Variants in BAIAP2L1 observed in about 807,000 individuals in gnomAD.
BAIAP2L1 encodes the protein BAR/IMD domain containing adaptor protein 2 like 1.
In BAIAP2L1, 35 loss-of-function variants were observed where a neutral mutation model predicts 66.3. The observed-to-expected ratio is 0.53, with a 90% CI of 0.40 to 0.70. The LOEUF (loss-of-function observed/expected upper bound fraction) is 0.70. Among genes scored for constraint, BAIAP2L1 ranks in the 30% least tolerant of loss-of-function variants. BAIAP2L1 has a pLI of 0.00. For synonymous variants in BAIAP2L1, 269 were observed against 248.7 expected, an observed-to-expected ratio of 1.08 and a Z score of -0.77; for missense variants, 622 against 656.9, an observed-to-expected ratio of 0.95 and a Z score of 0.58.
intron 3 of BAIAP2L1, among the ~76,000 whole-genome samples, chr7:98,353,399 ACAT>A (rs1269653340): frequency 1.5e-5 from 2 of 136,886 alleles, no homozygotes; most frequent in Non-Finnish European, 1.5e-5. Flanking sequence ...TTATAAATAT[ACAT>A]AATATATATA....
intron 3 of BAIAP2L1, among the ~76,000 whole-genome samples, chr7:98,340,959 G>GTT (rs72057720): frequency 0.025 from 3,187 of 129,506 alleles, 136 homozygotes; most frequent in African/African-American, 0.079. Context: ...CAGCTAATTG[G>GTT]TTTTTTTTTT....
intron 3 of BAIAP2L1, among the ~76,000 whole-genome samples, chr7:98,341,224 A>G (rs952125745): frequency 1.3e-5 from 2 of 152,174 alleles, no homozygotes; most frequent in African/African-American, 4.8e-5. Flanking sequence ...TCTAAGTAAA[A>G]CCAGCAAAAT....
In BAIAP2L1 at chr7:98,292,623, A is replaced by C; in HGVS notation, c.*898T>G. 1 of 1,550,612 alleles carries C rather than the reference A, an allele frequency of 6.4e-7. No homozygotes were observed. Among genetic ancestry groups the C allele is most frequent in the Non-Finnish European group, 8.7e-7 (1 of 1,146,768 alleles). ...GGCATCATGGCTGCTAGGCTGAAAA[A>C]CCCGCCCTTCTCCAGGCACCAGAGG... On this transcript the variant is annotated 3_prime_UTR_variant, in exon 14 of 14. Coordinates refer to ENST00000005260, the MANE Select transcript of BAIAP2L1 (RefSeq NM_018842.5).
intron 2 of BAIAP2L1, among the ~76,000 whole-genome samples, chr7:98,361,062 A>G (rs1054000132): frequency 2.0e-5 from 3 of 152,170 alleles, no homozygotes; most frequent in Admixed American, 2.0e-4. Flanking sequence ...CCAGTATGGC[A>G]AAAAAGATAA....
intron 1 of BAIAP2L1, among the ~76,000 whole-genome samples, chr7:98,390,358 T>C (rs1434463902): frequency 6.6e-6 from 1 of 152,240 alleles, no homozygotes; most frequent in African/African-American, 2.4e-5. Context: ...TTTAAAAACA[T>C]TATGTCCATT....
intron 3 of BAIAP2L1, among the ~76,000 whole-genome samples, chr7:98,328,275 A>G (rs1801416229): frequency 6.6e-6 from 1 of 152,220 alleles, no homozygotes; most frequent in Non-Finnish European, 1.5e-5. Context: ...GCAGCTTCAG[A>G]AGGCAGAAGG....
chr7:98,400,985 C>G lies in BAIAP2L1; in HGVS notation c.-133G>C. 1.4e-6 allele frequency: 1 copy of G among 696,298 alleles called. No homozygotes were observed. Among genetic ancestry groups the G allele is most frequent in the Non-Finnish European group, 2.1e-6 (1 of 487,714 alleles). The allele number at this position is 696,298 out of a possible 1,614,324, so 43.1% of individuals were successfully genotyped here. On this transcript the variant is annotated 5_prime_UTR_variant, in exon 1 of 14. Coordinates refer to ENST00000005260, the MANE Select transcript of BAIAP2L1 (RefSeq NM_018842.5). Reference sequence around the variant, plus strand: ...TCGGCCGCCGCCGCAGCCGTCGGCCCGAGAGTGCCCGCGCGCGTCTCCGCT... The same window carrying G: ...TCGGCCGCCGCCGCAGCCGTCGGCCGGAGAGTGCCCGCGCGCGTCTCCGCT...
chr7:98,333,692 T>C (rs1315443501), intron 3 of BAIAP2L1, among the ~76,000 whole-genome samples: 2 of 152,316 alleles, frequency 1.3e-5, no homozygotes, highest in African/African-American at 2.4e-5. Context: ...ATTAGACATT[T>C]GGTTTTATGT....
intron 1 of BAIAP2L1, among the ~76,000 whole-genome samples, chr7:98,364,818 G>A (rs1026308836): frequency 1.8e-4 from 27 of 150,410 alleles, no homozygotes; most frequent in Non-Finnish European, 3.1e-4. Flanking sequence ...GACTCCCATC[G>A]CTACAAAAAA....
intron 3 of BAIAP2L1, among the ~76,000 whole-genome samples, chr7:98,345,594 G>A (rs1265004308): frequency 6.6e-6 from 1 of 152,016 alleles, no homozygotes; most frequent in Admixed American, 6.6e-5. Flanking sequence ...GTGTGGTGGG[G>A]GGGTACTGTA....
At chr7:98,380,396 G>A (rs1362091114) in intron 1 of BAIAP2L1, among the ~76,000 whole-genome samples, 1 of 152,068 alleles carries the variant, frequency 6.6e-6, no homozygotes. Context: ...GAATCATGGT[G>A]GGAGGCGAAA....
At position 98,400,979 on chromosome 7, in the gene BAIAP2L1, T is replaced by A. The variant is rs1803357156; in HGVS notation, c.-127A>T. 3.5e-6 allele frequency: 3 copies of A among 845,692 alleles called. No individual in the cohort carries two copies. The highest frequency in any genetic ancestry group is 4.8e-6 in the Non-Finnish European group (3 of 619,524). The allele number at this position is 845,692 out of a possible 1,614,324, so 52.4% of individuals were successfully genotyped here. A position where few individuals can be genotyped will look rare whatever the true frequency, so the allele number is the denominator to read the frequency against. ...GGAGGGTCGGCCGCCGCCGCAGCCG[T>A]CGGCCCGAGAGTGCCCGCGCGCGTC... On this transcript the variant is annotated 5_prime_UTR_variant, in exon 1 of 14. Coordinates refer to ENST00000005260, the MANE Select transcript of BAIAP2L1 (RefSeq NM_018842.5).
At position 98,355,381 on chromosome 7, in the gene BAIAP2L1, T is replaced by C. The variant is rs1802095752; in HGVS notation, c.128-253A>G. 2.0e-5 allele frequency: 10 copies of C among 504,004 alleles called. No individual in the cohort carries two copies. The East Asian group carries it at 3.3e-4, about 17-fold the overall frequency. 31.2% of individuals were successfully genotyped at this position (504,004 alleles called of 1,614,324 possible). On this transcript the variant is annotated intron_variant, in intron 2 of 13. Transcript: ENST00000005260. ...AACCTTCAGCAGCAGGTGCTGAAAG[T>C]CCAGAGAAGGCTCAGCTTGCTCCTG...
intron 11 of BAIAP2L1, among the ~76,000 whole-genome samples, chr7:98,304,928 C>T (rs150083242): frequency 0.018 from 2,593 of 147,746 alleles, 71 homozygotes; most frequent in African/African-American, 0.061. Context: ...TGCAGTGGCG[C>T]GATCTTGGCT....
At chr7:98,361,411 G>T (rs1478180291) in intron 2 of BAIAP2L1, among the ~76,000 whole-genome samples, 2 of 151,956 alleles carry the variant, frequency 1.3e-5, no homozygotes, top group Non-Finnish European at 2.9e-5. Context: ...TGTAAAACTT[G>T]ATCTGAAGCT....
At chr7:98,358,432 A>G (rs1330611290) in intron 2 of BAIAP2L1, among the ~76,000 whole-genome samples, 1 of 151,720 alleles carries the variant, frequency 6.6e-6, no homozygotes, top group Non-Finnish European at 1.5e-5. Flanking sequence ...ATCATAGCTC[A>G]CTGCAGCCTC....
At chr7:98,322,381 T>G (rs562886528) in intron 3 of BAIAP2L1, among the ~76,000 whole-genome samples, 2 of 152,258 alleles carry the variant, frequency 1.3e-5, no homozygotes, top group Admixed American at 1.3e-4. Flanking sequence ...ATCCTCGACA[T>G]GTCTCAAAGT....
chr7:98,324,771 C>T (rs1441474464), intron 3 of BAIAP2L1, among the ~76,000 whole-genome samples: 1 of 151,960 alleles, frequency 6.6e-6, no homozygotes, highest in Non-Finnish European at 1.5e-5. Flanking sequence ...GACCCTGTCT[C>T]CAAAAAGAAA....
intron 10 of BAIAP2L1, chr7:98,306,813 T>TC: frequency 2.6e-6 from 1 of 383,056 alleles, no homozygotes; most frequent in Non-Finnish European, 4.8e-6. Flanking sequence ...GCTCAAGCAA[T>TC]CCCCCTGCCT....
Sources: allele counts gnomAD v4.1 joint callset (sites outside exome capture counted in the v4.1 genomes callset), GRCh38; gene constraint gnomAD v4.1.1; transcripts MANE v1.5; gene names NCBI Gene and HGNC (gene_info 2026-07-23, HGNC 2026-07-21).